The following NRG3 variants were observed in gnomAD, a reference collection of about 807,000 sequenced individuals.
NRG3 encodes neuregulin 3.
A neutral mutation model predicts 66.9 loss-of-function variants in NRG3; 31 were observed. The observed-to-expected ratio is 0.46, with a 90% CI of 0.35 to 0.63. The LOEUF is 0.63. Among genes scored for constraint, NRG3 ranks in the 20% least tolerant of loss-of-function variants. NRG3 has a pLI of 0.00. For missense variants in NRG3, 910 were observed against 878.9 expected (o/e 1.04, Z -0.45); for synonymous variants, 393 against 359.4 (o/e 1.09, Z -1.06).
chr10:82,018,772 TGC>T (rs754710204), intron 1 of NRG3, among the ~76,000 whole-genome samples: 10,404 of 151,608 alleles, frequency 0.069, 459 homozygotes, highest in Non-Finnish European at 0.1. Context: ...TTGTGATTTT[TGC>T]ACATTGATTT....
At chr10:82,570,703 T>G (rs992356571) in intron 2 of NRG3, among the ~76,000 whole-genome samples, 1 of 151,636 alleles carries the variant, frequency 6.6e-6, no homozygotes, top group African/African-American at 2.4e-5. Context: ...AATTTTGCAC[T>G]AAGGAAGCAG....
chr10:82,535,731 G>C (rs978981382), intron 2 of NRG3, among the ~76,000 whole-genome samples: 1 of 152,136 alleles, frequency 6.6e-6, no homozygotes, highest in African/African-American at 2.4e-5. Flanking sequence ...ATGCTTAAAT[G>C]TCTTAAACAT....
At chr10:82,199,195 A>AAG (rs2074633027) in intron 1 of NRG3, among the ~76,000 whole-genome samples, 2 of 151,792 alleles carry the variant, frequency 1.3e-5, no homozygotes, top group South Asian at 4.1e-4. Context: ...AAGAAAAGAA[A>AAG]AAAAAATAAC....
At chr10:82,282,249 CATTTATTTATTTATTTATTTATTTATTT>C (rs5786542) in intron 1 of NRG3, among the ~76,000 whole-genome samples, 1 of 148,444 alleles carries the variant, frequency 6.7e-6, no homozygotes, top group African/African-American at 2.5e-5. Context: ...GAAAACATTA[CATTTATTTATTTATTTATTTATTTATTT>C]ATTTATTTAT....
In NRG3 at chr10:82,545,775, T is replaced by C. The variant is rs113884376; in HGVS notation, c.953+186907T>C. Among the ~76,000 whole-genome samples the C allele has an allele frequency of 3.9e-3, 563 of 145,790 alleles. 3 individuals carry two copies. The highest frequency in any genetic ancestry group is 0.014 in the African/African-American group (549 of 38,842). On this transcript the variant is annotated intron_variant, in intron 2 of 8. Transcript: ENST00000372141. ...TATTTTTATTGATCGTAATATATAA[T>C]ATCAACTCTTTTTTTTTTTTTTTTT...
At chr10:81,893,841 G>A (rs1052624901) in intron 1 of NRG3, among the ~76,000 whole-genome samples, 2 of 152,172 alleles carry the variant, frequency 1.3e-5, no homozygotes, top group African/African-American at 4.8e-5. Flanking sequence ...AGGCAGTGAT[G>A]TGGTAAGGCA....
At chr10:82,951,592 T>C (rs1849517355) in intron 5 of NRG3, 21 bp downstream of exon 5, 2 of 1,594,198 alleles carry the variant, frequency 1.3e-6, no homozygotes, top group Non-Finnish European at 1.7e-6. Flanking sequence ...TTCTCTCAAG[T>C]GTTTAAAGGT....
intron 1 of NRG3, among the ~76,000 whole-genome samples, chr10:81,898,269 A>G (rs770108409): frequency 1.3e-5 from 2 of 152,226 alleles, no homozygotes; most frequent in Non-Finnish European, 1.5e-5. Context: ...CCCTGCCAGC[A>G]AGAGCCTTTA....
chr10:82,126,951 C>G (rs972746643), intron 1 of NRG3, among the ~76,000 whole-genome samples: 27 of 152,086 alleles, frequency 1.8e-4, no homozygotes, highest in Non-Finnish European at 1.3e-4. Flanking sequence ...CACAGTCTTC[C>G]TCTGTCACAA....
At chr10:82,635,966 G>A (rs574119919) in intron 2 of NRG3, among the ~76,000 whole-genome samples, 1 of 152,260 alleles carries the variant, frequency 6.6e-6, no homozygotes, top group East Asian at 1.9e-4. Context: ...TATGTAGAGT[G>A]GCTTCGTGCG....
chr10:82,115,352 G>A (rs1161353706), intron 1 of NRG3, among the ~76,000 whole-genome samples: 1 of 152,118 alleles, frequency 6.6e-6, no homozygotes, highest in African/African-American at 2.4e-5. Context: ...TGGTCATAGA[G>A]CAGAACCAAA....
At chr10:82,831,943 G>A (rs936312733) in intron 3 of NRG3, among the ~76,000 whole-genome samples, 2 of 152,076 alleles carry the variant, frequency 1.3e-5, no homozygotes, top group Non-Finnish European at 2.9e-5. Flanking sequence ...GATTACTAAT[G>A]ACATTATTTT....
At chr10:82,671,174 G>A (rs376918946) in intron 2 of NRG3, among the ~76,000 whole-genome samples, 2 of 152,266 alleles carry the variant, frequency 1.3e-5, no homozygotes, top group East Asian at 1.9e-4. Flanking sequence ...ATGCTTCAGC[G>A]TACTATGGCC....
At chr10:82,747,663 C>A (rs553905840) in intron 3 of NRG3, among the ~76,000 whole-genome samples, 1 of 152,036 alleles carries the variant, frequency 6.6e-6, no homozygotes, top group South Asian at 2.1e-4. Context: ...TCTTTGCTCA[C>A]TTTGAAATAC....
chr10:82,038,309 T>C (rs1421445749), intron 1 of NRG3, among the ~76,000 whole-genome samples: 3 of 152,150 alleles, frequency 2.0e-5, no homozygotes, highest in Admixed American at 2.0e-4. Context: ...CGGGATCACA[T>C]GTTAATAGTA....
intron 8 of NRG3, 104 bp from the exon 9 acceptor site, chr10:82,984,994 G>C (rs1853310015): frequency 7.1e-7 from 1 of 1,407,662 alleles, no homozygotes; most frequent in African/African-American, 1.4e-5. Context: ...GTTGCTGTGA[G>C]AATTCAGTGA....
intron 2 of NRG3, among the ~76,000 whole-genome samples, chr10:82,374,668 G>T (rs950793431): frequency 6.6e-6 from 1 of 152,096 alleles, no homozygotes; most frequent in Non-Finnish European, 1.5e-5. Flanking sequence ...CAACAAGGTC[G>T]CAAGTGATGA....
intron 2 of NRG3, among the ~76,000 whole-genome samples, chr10:82,580,901 TTGTGTGTG>T (rs56906298): frequency 2.3e-3 from 335 of 147,272 alleles, no homozygotes; most frequent in East Asian, 6.0e-3. Context: ...GTTTGTAAGT[TTGTGTGTG>T]TGTGTGTGTG....
intron 2 of NRG3, among the ~76,000 whole-genome samples, chr10:82,561,777 G>A (rs2045060540): frequency 6.6e-6 from 1 of 152,148 alleles, no homozygotes; most frequent in African/African-American, 2.4e-5. Flanking sequence ...TCTGTCTCAT[G>A]CAGACTTGCA....
Sources: allele counts gnomAD v4.1 joint callset (sites outside exome capture counted in the v4.1 genomes callset), GRCh38; gene constraint gnomAD v4.1.1; transcripts MANE v1.5; gene names NCBI Gene and HGNC (gene_info 2026-07-23, HGNC 2026-07-21).